The following GRM8 variants were observed in gnomAD, a reference collection of about 807,000 sequenced individuals.
GRM8 encodes metabotropic glutamate receptor 8.
GRM8 carries 47 observed loss-of-function variants against 87.2 expected under a neutral mutation model. The ratio of observed to expected loss-of-function variants is 0.54; its 90% confidence interval spans 0.43 to 0.69. The LOEUF is 0.69. GRM8 is among the 30% of genes least tolerant of loss of function. The pLI is 0.00. For synonymous variants in GRM8, 396 were observed against 404.5 expected (o/e 0.98, Z 0.25); for missense variants, 1,019 against 1,139.2 (o/e 0.89, Z 1.52).
At chr7:127,091,535 C>T (rs1322191903) in intron 3 of GRM8, among the ~76,000 whole-genome samples, 1 of 96,896 alleles carries the variant, frequency 1.0e-5, no homozygotes, top group Non-Finnish European at 2.2e-5. Context: ...CCCCCCACCA[C>T]CATCCCACTG....
intron 6 of GRM8, among the ~76,000 whole-genome samples, chr7:126,855,501 T>C (rs1056026193): frequency 1.4e-5 from 2 of 146,600 alleles, no homozygotes; most frequent in African/African-American, 5.1e-5. Context: ...AGACAGAGTC[T>C]CGTTCTATCC....
chr7:126,453,283 G>A (rs1802855786), intron 9 of GRM8, among the ~76,000 whole-genome samples: 1 of 151,736 alleles, frequency 6.6e-6, no homozygotes. Context: ...CCCAGCAGCA[G>A]GTCAGATACA....
At chr7:127,134,966 A>G (rs1827870722) in intron 2 of GRM8, among the ~76,000 whole-genome samples, 1 of 152,176 alleles carries the variant, frequency 6.6e-6, no homozygotes, top group Non-Finnish European at 1.5e-5. Flanking sequence ...GAAATTTAAC[A>G]TGATGAAAAT....
chr7:126,904,742 C>A lies in GRM8; in HGVS notation c.728-59G>T, dbSNP rs1188363259. 12 of 1,447,280 alleles carry A rather than the reference C, an allele frequency of 8.3e-6. No individual in the cohort carries two copies. The Admixed American group carries it at 1.6e-4, about 19-fold the overall frequency. 89.7% of individuals were successfully genotyped at this position (1,447,280 alleles called of 1,614,324 possible). On this transcript the variant is annotated intron_variant, in intron 3 of 10. Coordinates refer to ENST00000339582, the MANE Select transcript of GRM8 (RefSeq NM_000845.3). ...AAGAGCATTTATTTAATTAGCAAAC[C>A]CAATTACCTACTTTATAAAAGCACA... is the stretch of plus-strand genomic sequence containing the variant.
intron 2 of GRM8, among the ~76,000 whole-genome samples, chr7:127,131,024 G>C (rs1827658847): frequency 6.6e-6 from 1 of 152,152 alleles, no homozygotes; most frequent in Non-Finnish European, 1.5e-5. Context: ...GTTTTTGTTT[G>C]GGAGCAGAAT....
At chr7:126,793,150 CTTCA>C (rs1476262970) in intron 6 of GRM8, among the ~76,000 whole-genome samples, 8 of 152,292 alleles carry the variant, frequency 5.3e-5, no homozygotes, top group East Asian at 1.9e-4. Context: ...CAAATCTTTA[CTTCA>C]TTATGTGTCT....
intron 6 of GRM8, among the ~76,000 whole-genome samples, chr7:126,849,216 T>A (rs1022996698): frequency 6.6e-6 from 1 of 152,130 alleles, no homozygotes; most frequent in African/African-American, 2.4e-5. Flanking sequence ...AAAGAAAATT[T>A]AAAATGATAA....
At chr7:126,736,754 T>A (rs907096484) in intron 7 of GRM8, among the ~76,000 whole-genome samples, 1 of 152,082 alleles carries the variant, frequency 6.6e-6, no homozygotes, top group Admixed American at 6.6e-5. Context: ...AGTCATCTCA[T>A]TGGAAAATCT....
chr7:126,689,236 C>T (rs568474997), intron 7 of GRM8, among the ~76,000 whole-genome samples: 13 of 152,170 alleles, frequency 8.5e-5, no homozygotes, highest in South Asian at 2.1e-4. Flanking sequence ...CTATAAATTT[C>T]CCCCAATAAA....
chr7:126,609,411 C>A lies in GRM8; in HGVS notation c.1445G>T (p.Ser482Ile). 3 of 1,613,490 alleles carry A rather than the reference C, an allele frequency of 1.9e-6. No individual in the cohort carries two copies. Among genetic ancestry groups the A allele is most frequent in the Non-Finnish European group, 2.5e-6 (3 of 1,179,500 alleles). ...GTGGCCGATGACTTTGTACTCTGTG[C>A]TTTTGTTGGTTATTTGATACTGGAA... Reference protein sequence around the residue: ...DIFQYQITNKSTEYKVIGHWT... With the variant: ...DIFQYQITNKITEYKVIGHWT... The change falls in exon 8 of 11, where the codon AGC becomes ATC. Residue 482 changes from serine (S) to isoleucine (I), a missense_variant. Physicochemically the swap from Ser to Ile is moderately radical, Grantham distance 142. Transcript: ENST00000339582.
intron 6 of GRM8, among the ~76,000 whole-genome samples, chr7:126,834,442 A>G (rs1426504099): frequency 1.3e-5 from 2 of 152,222 alleles, no homozygotes; most frequent in Non-Finnish European, 2.9e-5. Flanking sequence ...AATAATAACA[A>G]TAACAATCCT....
intron 3 of GRM8, among the ~76,000 whole-genome samples, chr7:126,985,911 T>C (rs899416053): frequency 6.6e-6 from 1 of 152,226 alleles, no homozygotes; most frequent in Non-Finnish European, 1.5e-5. Context: ...TAGCAGTAAC[T>C]GAAGCAGAAC....
chr7:127,185,007 T>A (rs1055128888), intron 2 of GRM8, among the ~76,000 whole-genome samples: 4 of 151,976 alleles, frequency 2.6e-5, no homozygotes, highest in African/African-American at 9.7e-5. Context: ...TTTTCAAGGA[T>A]AGGAAGACTC....
Position 126,788,420 on chromosome 7 carries a change from A to AAAAAAAAACAAAAAACAAAAAAC in GRM8, c.1157-18356_1157-18355insGTTTTTTGTTTTTTGTTTTTTTT. Reference sequence around the variant, plus strand: ...GCAAGACTCCATCTCAAAAAAAAAAAAAACCCTTTCAGATATCTTTAACAT... The same window carrying AAAAAAAAACAAAAAACAAAAAAC: ...GCAAGACTCCATCTCAAAAAAAAAAAAAAAAAAACAAAAAACAAAAAACAAACCCTTTCAGATATCTTTAACAT... On this transcript the variant is annotated intron_variant, in intron 6 of 10. Coordinates refer to ENST00000339582, the MANE Select transcript of GRM8 (RefSeq NM_000845.3). 1.5e-3 allele frequency among the ~76,000 whole-genome samples: 123 copies of AAAAAAAAACAAAAAACAAAAAAC among 80,980 alleles called. 4 individuals carry two copies. The highest frequency in any genetic ancestry group is 0.017 in the Middle Eastern group (2 of 118). The allele number at this position is 80,980 out of a possible 152,430, so 53.1% of individuals were successfully genotyped here.
At chr7:126,995,340 T>A (rs1813074394) in intron 3 of GRM8, among the ~76,000 whole-genome samples, 1 of 152,262 alleles carries the variant, frequency 6.6e-6, no homozygotes. Context: ...TAGGAAAACA[T>A]GACCTCACCA....
At chr7:126,825,351 C>T (rs930708057) in intron 6 of GRM8, among the ~76,000 whole-genome samples, 8 of 152,280 alleles carry the variant, frequency 5.3e-5, no homozygotes, top group African/African-American at 1.4e-4. Context: ...CAGGCATGAG[C>T]CACTATGCCC....
At chr7:127,210,616 G>T (rs1237176551) in intron 2 of GRM8, among the ~76,000 whole-genome samples, 1 of 152,120 alleles carries the variant, frequency 6.6e-6, no homozygotes, top group African/African-American at 2.4e-5. Context: ...TGTGGAAAAA[G>T]CACCCAAACA....
At chr7:127,015,061 G>GA (rs1563413414) in intron 3 of GRM8, among the ~76,000 whole-genome samples, 3 of 98,482 alleles carry the variant, frequency 3.0e-5, no homozygotes, top group East Asian at 2.6e-4. Context: ...AGAAGAAGAA[G>GA]AAGAAGAAAG....
At chr7:127,183,445 A>G (rs1223020794) in intron 2 of GRM8, among the ~76,000 whole-genome samples, 3 of 151,900 alleles carry the variant, frequency 2.0e-5, no homozygotes, top group Non-Finnish European at 4.4e-5. Flanking sequence ...TCTAAATAAC[A>G]CATGGAATCA....
Sources: gnomAD v4.1 joint callset for allele counts (sites outside exome capture counted in the v4.1 genomes callset) on GRCh38, gnomAD v4.1.1 for gene constraint, MANE v1.5 for transcripts, NCBI Gene and HGNC (gene_info 2026-07-23, HGNC 2026-07-21) for gene names.